The following DAAM1 variants were observed in gnomAD, a reference collection of about 807,000 sequenced individuals.
DAAM1 encodes disheveled-associated activator of morphogenesis 1.
A neutral mutation model predicts 130.0 loss-of-function variants in DAAM1; 52 were observed. The ratio of observed to expected loss-of-function variants is 0.40; its 90% confidence interval spans 0.32 to 0.50. The LOEUF (loss-of-function observed/expected upper bound fraction) is 0.50, where lower values mean the gene tolerates loss of function less well. Among genes scored for constraint, DAAM1 ranks in the 20% least tolerant of loss-of-function variants. The pLI is 0.61. For synonymous variants in DAAM1, 452 were observed against 444.5 expected (o/e 1.02, Z -0.21); for missense variants, 1,134 against 1,303.8 (o/e 0.87, Z 2.01).
intron 1 of DAAM1, among the ~76,000 whole-genome samples, chr14:59,216,505 G>T (rs533290648): frequency 6.6e-6 from 1 of 152,166 alleles, no homozygotes; most frequent in Non-Finnish European, 1.5e-5. Flanking sequence ...TGAATCACTG[G>T]AAGTCAGGAG....
chr14:59,236,199 A>G (rs546173441), intron 1 of DAAM1, among the ~76,000 whole-genome samples: 1 of 151,868 alleles, frequency 6.6e-6, no homozygotes, highest in African/African-American at 2.4e-5. Flanking sequence ...TTGAATCTTC[A>G]GGTAATTTTT....
chr14:59,354,170 C>T (rs936772851), intron 19 of DAAM1, among the ~76,000 whole-genome samples: 3 of 151,866 alleles, frequency 2.0e-5, no homozygotes, highest in Admixed American at 6.6e-5. Flanking sequence ...ATGCCATTCT[C>T]CTGCCTCAGC....
chr14:59,287,562 A>C (rs184039226), intron 2 of DAAM1, among the ~76,000 whole-genome samples: 1 of 152,322 alleles, frequency 6.6e-6, no homozygotes, highest in East Asian at 1.9e-4. Flanking sequence ...TAGAACTGAT[A>C]AACAACTTTA....
intron 16 of DAAM1, among the ~76,000 whole-genome samples, chr14:59,344,142 G>A (rs962587115): frequency 2.6e-5 from 4 of 152,154 alleles, no homozygotes; most frequent in South Asian, 2.1e-4. Flanking sequence ...GTGTTCTGCC[G>A]TTCTTTTTTT....
In DAAM1 at chr14:59,368,856, C is replaced by T; in HGVS notation, c.3204C>T (p.Phe1068=). The change falls in exon 25 of 25, where the codon TTC becomes TTT. Residue 1068 remains phenylalanine, a synonymous_variant. Coordinates refer to ENST00000360909, the MANE Select transcript of DAAM1 (RefSeq NM_001270520.2). The part of the protein sequence containing the change: ...SRERPITKLN[F] ...AGAGACCAATCACAAAACTTAATTTCTAATTTTCCATGAATACTTTTTTTT... is the reference window on the plus strand; with the variant it reads ...AGAGACCAATCACAAAACTTAATTTTTAATTTTCCATGAATACTTTTTTTT... 2.5e-6 allele frequency: 4 copies of T among 1,612,874 alleles called. No homozygotes were observed. The highest frequency in any genetic ancestry group is 3.4e-6 in the Non-Finnish European group (4 of 1,179,378).
intron 1 of DAAM1, among the ~76,000 whole-genome samples, chr14:59,206,432 T>C (rs1468233123): frequency 6.6e-6 from 1 of 152,118 alleles, no homozygotes; most frequent in Non-Finnish European, 1.5e-5. Context: ...CCTGCCACCA[T>C]GCCCGGCTAA....
At chr14:59,198,354 C>A (rs148128402) in intron 1 of DAAM1, among the ~76,000 whole-genome samples, 2 of 151,900 alleles carry the variant, frequency 1.3e-5, no homozygotes, top group African/African-American at 2.4e-5. Flanking sequence ...TACAGGTACC[C>A]GCCACCATGC....
In DAAM1 at chr14:59,301,026, G is replaced by A. The variant is rs151290194; in HGVS notation, c.273+9720G>A. 1.7e-3 allele frequency among the ~76,000 whole-genome samples: 255 copies of A among 152,176 alleles called. 1 individual carries two copies. Among genetic ancestry groups the A allele is most frequent in the African/African-American group, 5.7e-3 (237 of 41,518 alleles). On this transcript the variant is annotated intron_variant, in intron 3 of 24. Coordinates refer to ENST00000360909, the MANE Select transcript of DAAM1 (RefSeq NM_001270520.2). ...TTCACCTTTAATTGCTCTTCAAAGTGGTTATAATAACTTATACCTGCAGTG... is the reference window on the plus strand; with the variant it reads ...TTCACCTTTAATTGCTCTTCAAAGTAGTTATAATAACTTATACCTGCAGTG...
intron 22 of DAAM1, 140 bp from the exon 23 acceptor site, chr14:59,363,511 T>C (rs1302532621): frequency 1.6e-6 from 2 of 1,256,614 alleles, no homozygotes; most frequent in Non-Finnish European, 2.2e-6. Flanking sequence ...CACTAGAGTA[T>C]AACAAAATGT....
At chr14:59,246,215 A>G (rs1881369076) in intron 1 of DAAM1, among the ~76,000 whole-genome samples, 1 of 152,020 alleles carries the variant, frequency 6.6e-6, no homozygotes, top group Non-Finnish European at 1.5e-5. Flanking sequence ...AAAATTCCCC[A>G]TTTCCTGCTC....
At chr14:59,298,464 A>G (rs1884043066) in intron 3 of DAAM1, among the ~76,000 whole-genome samples, 1 of 152,206 alleles carries the variant, frequency 6.6e-6, no homozygotes, top group Non-Finnish European at 1.5e-5. Context: ...CTGAAAACAT[A>G]GTGGCCCTGA....
At chr14:59,266,595 T>G (rs888155668) in intron 2 of DAAM1, among the ~76,000 whole-genome samples, 2 of 152,240 alleles carry the variant, frequency 1.3e-5, no homozygotes, top group Admixed American at 1.3e-4. Flanking sequence ...CAAATTATCT[T>G]GAGGTTTGTA....
intron 2 of DAAM1, 119 bp from the exon 3 acceptor site, chr14:59,291,098 A>C: frequency 3.7e-6 from 3 of 803,080 alleles, no homozygotes; most frequent in Non-Finnish European, 5.7e-6. Context: ...GATCTTTTTC[A>C]AGTTCATTTA....
intron 22 of DAAM1, 87 bp from the exon 23 acceptor site, chr14:59,363,564 A>C: frequency 1.3e-6 from 2 of 1,562,032 alleles, no homozygotes; most frequent in African/African-American, 2.7e-5. Context: ...GATTTATTAA[A>C]TTTAAGGCAT....
rs541639538 is a variant in DAAM1 at position 59,311,704 on chromosome 14, C to T, written c.274-3576C>T. 1.9e-4 allele frequency among the ~76,000 whole-genome samples: 29 copies of T among 152,134 alleles called. No homozygotes were observed. In the South Asian group the frequency reaches 2.7e-3, roughly 14 times the overall value. ...ATGATATTCTGAAGCATTCTCTCCC[C>T]GACAGTATATTTGCTTGTCTTTTCT... is the stretch of plus-strand genomic sequence containing the variant. On this transcript the variant is annotated intron_variant, in intron 3 of 24. Transcript: ENST00000360909.
At chr14:59,339,931 C>A in intron 15 of DAAM1, 143 bp from the exon 16 acceptor site, 1 of 556,542 alleles carries the variant, frequency 1.8e-6, no homozygotes, top group Non-Finnish European at 3.1e-6. Context: ...CCATCATTCT[C>A]CACACTTCCC....
chr14:59,292,754 C>T (rs1277100379), intron 3 of DAAM1, among the ~76,000 whole-genome samples: 2 of 152,206 alleles, frequency 1.3e-5, no homozygotes, highest in Admixed American at 6.5e-5. Flanking sequence ...TCAGTATGAT[C>T]TCTGAGCCTC....
At chr14:59,206,173 ATG>A (rs921392252) in intron 1 of DAAM1, among the ~76,000 whole-genome samples, 2 of 152,286 alleles carry the variant, frequency 1.3e-5, no homozygotes, top group African/African-American at 4.8e-5. Context: ...GTTCTAAACT[ATG>A]TGCAAATGGA....
chr14:59,343,972 A>C (rs571244870), intron 16 of DAAM1, among the ~76,000 whole-genome samples: 1 of 152,304 alleles, frequency 6.6e-6, no homozygotes, highest in Non-Finnish European at 1.5e-5. Context: ...TTCTACTGGT[A>C]TGTGTGCATG....
Sources: allele counts gnomAD v4.1 joint callset (sites outside exome capture counted in the v4.1 genomes callset), GRCh38; gene constraint gnomAD v4.1.1; transcripts MANE v1.5; gene names NCBI Gene and HGNC (gene_info 2026-07-23, HGNC 2026-07-21).